RAB37: variants seen among roughly 807,000 people sequenced by gnomAD.
RAB37 encodes the protein ras-related protein Rab-37.
RAB37 carries 29 observed loss-of-function variants against 33.1 expected under a neutral mutation model. That is an observed-to-expected ratio of 0.88 (90% CI 0.65 to 1.20). RAB37 has a LOEUF of 1.20. RAB37 is among the 50% of genes most tolerant of loss of function. The pLI, the probability that RAB37 is intolerant of heterozygous loss-of-function variation, is 0.00. For synonymous variants in RAB37, 128 were observed against 119.5 expected, an observed-to-expected ratio of 1.07 and a Z score of -0.47; for missense variants, 299 against 301.1, an observed-to-expected ratio of 0.99 and a Z score of 0.05.
At chr17:74,726,389 T>C (rs1275485586) in intron 1 of RAB37, among the ~76,000 whole-genome samples, 2 of 151,780 alleles carry the variant, frequency 1.3e-5, no homozygotes, top group Non-Finnish European at 2.9e-5. Context: ...CTGTTTCCTA[T>C]GATGAAAATT....
intron 1 of RAB37, among the ~76,000 whole-genome samples, chr17:74,690,945 G>T (rs914146643): frequency 6.6e-6 from 1 of 152,106 alleles, no homozygotes; most frequent in African/African-American, 2.4e-5. Context: ...TTGAGACAGG[G>T]TCTCGTTCTG....
intron 1 of RAB37, among the ~76,000 whole-genome samples, chr17:74,699,529 C>T (rs977897996): frequency 6.6e-6 from 1 of 152,072 alleles, no homozygotes; most frequent in African/African-American, 2.4e-5. Context: ...GGAAGAAGAC[C>T]ATGAGACGAC....
chr17:74,720,072 C>T (rs1477732945), intron 1 of RAB37, among the ~76,000 whole-genome samples: 1 of 152,178 alleles, frequency 6.6e-6, no homozygotes, highest in African/African-American at 2.4e-5. Context: ...AACAGTGAGA[C>T]AGGAGAGTTC....
At chr17:74,702,911 C>T in intron 1 of RAB37, 1 of 774,472 alleles carries the variant, frequency 1.3e-6, no homozygotes, top group Non-Finnish European at 2.2e-6. Context: ...TCCCAGCTTC[C>T]TCATCCTCAC....
chr17:74,740,790 G>T lies in RAB37; in HGVS notation c.116G>T (p.Gly39Val). ...TGKVMLLGDT[G>V]VGKTCFLIQF... is the part of the protein sequence containing the mutation. ...TAGGTGATGCTTCTGGGAGACACAGGCGTCGGCAAAACATGTTTCCTGATC... is the reference window on the plus strand; with the variant it reads ...TAGGTGATGCTTCTGGGAGACACAGTCGTCGGCAAAACATGTTTCCTGATC... The change falls in exon 2 of 9, where the codon GGC (glycine) becomes GTC (valine). Residue 39 changes from glycine (G) to valine (V), a missense_variant. Physicochemically the swap from Gly to Val is moderately radical, Grantham distance 109. Coordinates refer to ENST00000392613, the MANE Select transcript of RAB37 (RefSeq NM_001006638.3). 6.2e-7 allele frequency: 1 copy of T among 1,614,094 alleles called. No individual in the cohort carries two copies. Among genetic ancestry groups the T allele is most frequent in the South Asian group, 1.1e-5 (1 of 91,082 alleles).
intron 1 of RAB37, among the ~76,000 whole-genome samples, chr17:74,712,515 C>T (rs577080927): frequency 2.0e-5 from 3 of 152,364 alleles, no homozygotes; most frequent in East Asian, 3.9e-4. Flanking sequence ...CAGGCAGTCG[C>T]CTGCTCTCCT....
intron 1 of RAB37, among the ~76,000 whole-genome samples, chr17:74,699,547 G>A (rs886461437): frequency 3.3e-5 from 5 of 152,094 alleles, no homozygotes; most frequent in South Asian, 2.1e-4. Flanking sequence ...GACAGAGACA[G>A]GGATCAGAGT....
intron 1 of RAB37, among the ~76,000 whole-genome samples, chr17:74,700,187 T>A (rs1467787065): frequency 6.7e-6 from 1 of 149,308 alleles, no homozygotes; most frequent in Admixed American, 6.7e-5. Flanking sequence ...AAACAAACAA[T>A]CAAAATAAAA....
chr17:74,718,383 T>C (rs1250690236), intron 1 of RAB37, among the ~76,000 whole-genome samples: 1 of 151,428 alleles, frequency 6.6e-6, no homozygotes, highest in African/African-American at 2.4e-5. Context: ...CTATGGTATT[T>C]TGTTATAGCA....
At chr17:74,695,816 G>T in intron 1 of RAB37, 1 of 1,614,174 alleles carries the variant, frequency 6.2e-7, no homozygotes, top group Non-Finnish European at 8.5e-7. Flanking sequence ...CAGCTGCAGG[G>T]TCAGGTCTGC....
chr17:74,697,398 G>A (rs1010751533), intron 1 of RAB37, among the ~76,000 whole-genome samples: 2 of 152,308 alleles, frequency 1.3e-5, no homozygotes, highest in East Asian at 1.9e-4. Context: ...TCTAGATGCT[G>A]GAGAACACAG....
intron 1 of RAB37, among the ~76,000 whole-genome samples, chr17:74,710,704 C>T (rs1161793683): frequency 1.4e-5 from 2 of 139,540 alleles, no homozygotes; most frequent in Non-Finnish European, 3.1e-5. Flanking sequence ...ACTAAAAATA[C>T]GAAAAAAAAA....
chr17:74,687,432 C>G (rs1384507651), intron 1 of RAB37, among the ~76,000 whole-genome samples: 1 of 152,016 alleles, frequency 6.6e-6, no homozygotes, highest in African/African-American at 2.4e-5. Context: ...CCATGTTGGC[C>G]AAGCTGGTCT....
upstream of RAB37, chr17:74,737,234 C>A (rs1207153904): frequency 1.3e-6 from 2 of 1,538,850 alleles, no homozygotes; most frequent in Non-Finnish European, 1.7e-6. Context: ...CGCTCTCCTT[C>A]GCCTGCGGGC....
At chr17:74,740,178 A>G (rs1190590695) in intron 1 of RAB37, among the ~76,000 whole-genome samples, 1 of 151,984 alleles carries the variant, frequency 6.6e-6, no homozygotes, top group Non-Finnish European at 1.5e-5. Flanking sequence ...GAAAGAAAGA[A>G]AGAAAGAAAC....
intron 1 of RAB37, among the ~76,000 whole-genome samples, chr17:74,713,899 CAAAAAAAAAAAAAAA>C (rs55993385): frequency 1.4e-4 from 7 of 51,208 alleles, no homozygotes; most frequent in Admixed American, 3.1e-4. Flanking sequence ...TTCATCTCCA[CAAAAAAAAAAAAAAA>C]AAAAAAAAAA....
rs2143769542 is a variant in RAB37, at chr17:74,704,258, C to T, written c.73-24998C>T. On this transcript the variant is annotated intron_variant, in intron 1 of 7. Coordinates refer to the RAB37 transcript ENST00000340415. ...AGCTGTGCAGAGGTAAAAAATGTGCCTAGAAAGGCTTAATCCCGTCGTGGA... is the reference window on the plus strand; with the variant it reads ...AGCTGTGCAGAGGTAAAAAATGTGCTTAGAAAGGCTTAATCCCGTCGTGGA... 4.3e-5 allele frequency: 24 copies of T among 558,634 alleles called. No individual in the cohort carries two copies. The South Asian group carries it at 5.4e-4, about 13-fold the overall frequency. The allele number at this position is 558,634 out of a possible 1,614,324, so 34.6% of individuals were successfully genotyped here.
At chr17:74,698,448 G>C (rs762046788) in intron 1 of RAB37, 1 of 1,613,968 alleles carries the variant, frequency 6.2e-7, no homozygotes, top group Non-Finnish European at 8.5e-7. Context: ...TGAAGATGAG[G>C]GGCAGGAGGA....
chr17:74,691,952 G>A (rs1018992186), intron 1 of RAB37, among the ~76,000 whole-genome samples: 10 of 149,908 alleles, frequency 6.7e-5, no homozygotes, highest in Non-Finnish European at 1.0e-4. Context: ...TGCAAGCTCC[G>A]CCTTCTGGGT....
Sources: gnomAD v4.1 joint callset for allele counts (sites outside exome capture counted in the v4.1 genomes callset) on GRCh38, gnomAD v4.1.1 for gene constraint, MANE v1.5 for transcripts, NCBI Gene and HGNC (gene_info 2026-07-23, HGNC 2026-07-21) for gene names.